Variants in NHS observed in about 807,000 individuals in gnomAD.
The protein encoded by NHS is actin remodeling regulator NHS.
NHS carries 5 observed loss-of-function variants against 72.5 expected under a neutral mutation model. The ratio of observed to expected loss-of-function variants is 0.07; its 90% CI spans 0.04 to 0.14. The LOEUF is 0.14. Ranked by LOEUF, NHS falls within the 10% of genes least tolerant of loss-of-function variation. NHS has a pLI of 1.00. For missense variants in NHS, 1,072 were observed against 1,355.7 expected (o/e 0.79, Z 3.29); for synonymous variants, 464 against 547.7 (o/e 0.85, Z 2.13).
chrX:17,403,813 A>AC (rs979039097), intron 1 of NHS, among the ~76,000 whole-genome samples: 1 of 109,519 alleles, frequency 9.1e-6, no homozygotes, highest in Non-Finnish European at 1.9e-5. Context: ...AGTGTCCTTC[A>AC]CTCCTGGCCA....
chrX:17,555,320 T>C (rs1366806927), intron 1 of NHS, among the ~76,000 whole-genome samples: 2 of 107,869 alleles, frequency 1.9e-5, no homozygotes, highest in Non-Finnish European at 3.8e-5. Context: ...TGATTTGAGC[T>C]CCAAGGCTGT....
In NHS at chrX:17,725,866, T is replaced by C. The variant is rs187739639; in HGVS notation, c.1760T>C (p.Met587Thr). The change falls in exon 7 of 9, where the codon ATG becomes ACG. Residue 587 changes from methionine (M) to threonine (T), a missense_variant. Met to Thr is a moderately conservative substitution (Grantham distance 81, BLOSUM62 -1). Transcript: ENST00000676302. ...AGGGGAAGGTCACGTCTGTCCCGAA[T>C]GGCTGCTGACTCTGGCAGCTGTGAC... ...SERGRSRLSR[M>T]AADSGSCDIS... The C allele has an allele frequency of 1.2e-4, 147 of 1,209,710 alleles. No individual in the cohort carries two copies. The Admixed American group carries it at 3.2e-3, about 26-fold the overall frequency.
At chrX:17,720,133 A>G (rs1463549390) in intron 4 of NHS, among the ~76,000 whole-genome samples, 1 of 111,700 alleles carries the variant, frequency 9.0e-6, no homozygotes, top group Admixed American at 9.5e-5. Flanking sequence ...GCAATATTTT[A>G]CTAAAACGTT....
intron 1 of NHS, among the ~76,000 whole-genome samples, chrX:17,529,573 GA>G (rs899270583): frequency 1.3e-4 from 14 of 110,581 alleles, no homozygotes; most frequent in Non-Finnish European, 1.7e-4. Flanking sequence ...TTTCTAGGGG[GA>G]AAAAAAATGC....
intron 1 of NHS, among the ~76,000 whole-genome samples, chrX:17,407,793 G>C (rs1274298720): frequency 9.0e-6 from 1 of 111,461 alleles, no homozygotes; most frequent in Non-Finnish European, 1.9e-5. Flanking sequence ...AGCACTGACT[G>C]TTTCTAAGAC....
intron 1 of NHS, among the ~76,000 whole-genome samples, chrX:17,399,224 C>A (rs986484311): frequency 1.8e-5 from 2 of 110,820 alleles, no homozygotes; most frequent in African/African-American, 6.6e-5. Flanking sequence ...GCCTCAGCCT[C>A]CTGAGTAGCT....
rs750097067 is a variant in NHS at position 17,687,292 on chromosome X, C to T, written c.566-450C>T. The T allele has an allele frequency of 5.9e-5, 11 of 187,089 alleles. No individual in the cohort carries two copies. In the South Asian group the frequency reaches 9.7e-4, roughly 16 times the overall value. The allele number at this position is 187,089 out of a possible 1,213,427, so 15.4% of individuals were successfully genotyped here. A position where few individuals can be genotyped will look rare whatever the true frequency, so the allele number is the denominator to read the frequency against. ...CCGAAGTTCAGGTGGACAGCAGGGG[C>T]GGCGTGCAGAACTACAGCTCTGAGG... is the stretch of plus-strand genomic sequence containing the variant. On this transcript the variant is annotated intron_variant, in intron 1 of 8. Transcript: ENST00000676302.
rs1301195947 is a variant in NHS at position 17,492,499 on chromosome X, C to A, written c.565+116177C>A. On this transcript the variant is annotated intron_variant, in intron 1 of 8. Transcript: ENST00000676302. Reference sequence around the variant, plus strand: ...TTTGATTGCACTGTGGTCTGAGTGACTCTTTGTTATGATTTCCATTCTTTT... The same window carrying A: ...TTTGATTGCACTGTGGTCTGAGTGAATCTTTGTTATGATTTCCATTCTTTT... Among the ~76,000 whole-genome samples, 3 of 112,359 alleles carry A rather than the reference C, an allele frequency of 2.7e-5. No individual in the cohort carries two copies. In the Admixed American group the frequency reaches 2.8e-4, roughly 11 times the overall value.
intron 2 of NHS, 133 bp downstream of exon 2, chrX:17,688,027 C>T (rs148985095): frequency 1.4e-6 from 1 of 717,102 alleles, no homozygotes; most frequent in African/African-American, 2.2e-5. Context: ...CCGTTTCTAC[C>T]CTGAAATGAA....
At chrX:17,645,954 A>G in intron 1 of NHS, among the ~76,000 whole-genome samples, 1 of 111,492 alleles carries the variant, frequency 9.0e-6, no homozygotes. Flanking sequence ...ATATGTATGT[A>G]TGTATCTCTT....
chrX:17,573,725 G>A (rs11796316), intron 1 of NHS, among the ~76,000 whole-genome samples: 5,644 of 110,716 alleles, frequency 0.051, 149 homozygotes, highest in Middle Eastern at 0.086. Flanking sequence ...CCTTGCTGGC[G>A]AGGAGTTGTG....
At chrX:17,723,379 G>C (rs2066417146) in intron 5 of NHS, among the ~76,000 whole-genome samples, 1 of 111,908 alleles carries the variant, frequency 8.9e-6, no homozygotes, top group Non-Finnish European at 1.9e-5. Context: ...AAGAGTTTGA[G>C]TTCCTCACCT....
intron 3 of NHS, among the ~76,000 whole-genome samples, chrX:17,699,912 A>AT (rs2066252180): frequency 8.9e-6 from 1 of 112,088 alleles, no homozygotes. Context: ...AACAGTAAAC[A>AT]TTTTTGCATG....
At chrX:17,548,859 C>G (rs5909373) in intron 1 of NHS, among the ~76,000 whole-genome samples, 2 of 110,433 alleles carry the variant, frequency 1.8e-5, no homozygotes, top group Non-Finnish European at 3.8e-5. Flanking sequence ...TGGCTGCCCC[C>G]CCTTGCTTTT....
intron 3 of NHS, among the ~76,000 whole-genome samples, chrX:17,709,288 T>A (rs147533275): frequency 9.0e-6 from 1 of 111,580 alleles, no homozygotes; most frequent in Non-Finnish European, 1.9e-5. Context: ...CTATACCCAT[T>A]TTCAAGGCTC....
At chrX:17,723,771 G>GTGTGTGCA (rs376032212) in intron 5 of NHS, among the ~76,000 whole-genome samples, 1 of 75,793 alleles carries the variant, frequency 1.3e-5, no homozygotes, top group Non-Finnish European at 2.3e-5. Context: ...GTGTGTGTGT[G>GTGTGTGCA]CGCGCGCGTG....
intron 1 of NHS, among the ~76,000 whole-genome samples, chrX:17,481,376 G>A (rs1163300207): frequency 2.7e-5 from 3 of 111,929 alleles, no homozygotes; most frequent in Non-Finnish European, 3.8e-5. Context: ...TGCAGCCATG[G>A]AAACTTTGTT....
chrX:17,684,113 G>A (rs758857064), intron 1 of NHS, among the ~76,000 whole-genome samples: 7 of 111,352 alleles, frequency 6.3e-5, no homozygotes, highest in South Asian at 3.8e-4. Flanking sequence ...CATATAAGAC[G>A]TGACTTTGCT....
intron 3 of NHS, 46 bp from the exon 4 acceptor site, chrX:17,719,298 T>C: frequency 9.1e-7 from 1 of 1,096,314 alleles, no homozygotes; most frequent in Non-Finnish European, 1.2e-6. Context: ...CACTGTGTTG[T>C]GTGCACGTTT....
Sources: allele counts gnomAD v4.1 joint callset (sites outside exome capture counted in the v4.1 genomes callset), GRCh38; gene constraint gnomAD v4.1.1; transcripts MANE v1.5; gene names NCBI Gene and HGNC (gene_info 2026-07-23, HGNC 2026-07-21).